Variants in PTPRJ observed in about 807,000 individuals in gnomAD.
The protein encoded by PTPRJ is receptor-type tyrosine-protein phosphatase eta.
In PTPRJ, 129 loss-of-function variants were observed where a neutral mutation model predicts 141.3. The ratio of observed to expected loss-of-function variants is 0.91; its 90% CI spans 0.79 to 1.06. PTPRJ has a LOEUF of 1.06. PTPRJ is among the 50% of genes least tolerant of loss of function. The pLI is 0.00. For missense variants in PTPRJ, 1,601 were observed against 1,679.7 expected, an observed-to-expected ratio of 0.95 and a Z score of 0.82; for synonymous variants, 610 against 640.5, an observed-to-expected ratio of 0.95 and a Z score of 0.72.
chr11:48,092,401 C>A (rs1442155700), intron 1 of PTPRJ, among the ~76,000 whole-genome samples: 1 of 150,694 alleles, frequency 6.6e-6, no homozygotes, highest in African/African-American at 2.4e-5. Context: ...ATAAGGGTAG[C>A]ATCTTACTTA....
At chr11:48,070,931 G>C (rs1855229639) in intron 1 of PTPRJ, among the ~76,000 whole-genome samples, 1 of 152,110 alleles carries the variant, frequency 6.6e-6, no homozygotes, top group South Asian at 2.1e-4. Context: ...ATTAAAAATG[G>C]CTTTGACATT....
intron 1 of PTPRJ, among the ~76,000 whole-genome samples, chr11:48,020,630 T>C (rs1037074187): frequency 6.6e-6 from 1 of 152,182 alleles, no homozygotes; most frequent in African/African-American, 2.4e-5. Context: ...CTAGGTGGGT[T>C]AGCAGCTGAG....
At position 47,980,663 on chromosome 11, in the gene PTPRJ, A is replaced by C; in HGVS notation, c.-250A>C. The C allele has an allele frequency of 1.0e-6, 1 of 986,030 alleles. No homozygotes were observed. The highest frequency in any genetic ancestry group is 1.2e-6 in the Non-Finnish European group (1 of 831,638). The allele number at this position is 986,030 out of a possible 1,614,324, so 61.1% of individuals were successfully genotyped here. On this transcript the variant is annotated 5_prime_UTR_variant, in exon 1 of 25. Coordinates refer to ENST00000418331, the MANE Select transcript of PTPRJ (RefSeq NM_002843.4). ...GGGCGCCGCTCGCTCCGCCCCGCGA[A>C]GCCCCTGCGCGCTCAGGGACGCGGC...
chr11:48,145,558 G>GTTTT (rs574426609), intron 14 of PTPRJ, among the ~76,000 whole-genome samples: 11 of 117,496 alleles, frequency 9.4e-5, no homozygotes, highest in East Asian at 2.5e-4. Context: ...TTTATTTTAT[G>GTTTT]TTTTTTTTTT....
At chr11:48,161,634 A>G (rs76757809) in intron 22 of PTPRJ, among the ~76,000 whole-genome samples, 14,798 of 151,606 alleles carry the variant, frequency 0.098, 959 homozygotes, top group East Asian at 0.16. Flanking sequence ...TTTTTTTGAG[A>G]TGGAGTCTCT....
At chr11:48,027,296 C>T (rs1347844366) in intron 1 of PTPRJ, among the ~76,000 whole-genome samples, 3 of 151,862 alleles carry the variant, frequency 2.0e-5, no homozygotes, top group Admixed American at 6.6e-5. Context: ...CATGAGCCAC[C>T]GCGCCCGGCC....
At chr11:48,003,658 G>A (rs1330693834) in intron 1 of PTPRJ, among the ~76,000 whole-genome samples, 1 of 152,088 alleles carries the variant, frequency 6.6e-6, no homozygotes, top group Non-Finnish European at 1.5e-5. Flanking sequence ...ACCATGCCCA[G>A]CTAATTTTTG....
At chr11:48,135,001 A>G (rs1457569176) in intron 8 of PTPRJ, among the ~76,000 whole-genome samples, 1 of 152,160 alleles carries the variant, frequency 6.6e-6, no homozygotes, top group Non-Finnish European at 1.5e-5. Context: ...GATTTAAAAA[A>G]CACAACAAAA....
At chr11:48,048,412 T>C (rs190821530) in intron 1 of PTPRJ, among the ~76,000 whole-genome samples, 1 of 152,372 alleles carries the variant, frequency 6.6e-6, no homozygotes, top group African/African-American at 2.4e-5. Context: ...ACGGCCATGA[T>C]GACTGCTGCA....
intron 1 of PTPRJ, among the ~76,000 whole-genome samples, chr11:48,038,926 A>T (rs1854197291): frequency 6.6e-6 from 1 of 150,946 alleles, no homozygotes; most frequent in African/African-American, 2.4e-5. Flanking sequence ...AGGCAAGTGG[A>T]TCACTTGAGG....
intron 1 of PTPRJ, among the ~76,000 whole-genome samples, chr11:48,094,829 G>A (rs1039073062): frequency 6.6e-6 from 1 of 152,124 alleles, no homozygotes; most frequent in Non-Finnish European, 1.5e-5. Context: ...GCAAGAGGAT[G>A]GATACCCGAG....
chr11:47,981,085 C>G, intron 1 of PTPRJ, 77 bp downstream of exon 1: 1 of 1,173,334 alleles, frequency 8.5e-7, no homozygotes, highest in Non-Finnish European at 1.1e-6. Flanking sequence ...CCCGAGCGTA[C>G]CCCCCCGGGG....
intron 1 of PTPRJ, among the ~76,000 whole-genome samples, chr11:48,049,831 A>G (rs960342026): frequency 2.0e-5 from 3 of 152,150 alleles, no homozygotes; most frequent in Non-Finnish European, 4.4e-5. Flanking sequence ...AATGTGGGGT[A>G]ACCTTTCATC....
intron 3 of PTPRJ, among the ~76,000 whole-genome samples, chr11:48,118,496 A>G (rs1856624387): frequency 6.6e-6 from 1 of 152,246 alleles, no homozygotes; most frequent in South Asian, 2.1e-4. Flanking sequence ...CCTTGATACG[A>G]AAACCAGACA....
intron 3 of PTPRJ, among the ~76,000 whole-genome samples, chr11:48,120,012 T>C (rs1393012535): frequency 1.3e-5 from 2 of 152,056 alleles, no homozygotes; most frequent in Non-Finnish European, 2.9e-5. Flanking sequence ...TTCAGAGAGG[T>C]GAGATGACTT....
At chr11:48,127,066 G>A (rs1233422592) in intron 6 of PTPRJ, among the ~76,000 whole-genome samples, 1 of 152,170 alleles carries the variant, frequency 6.6e-6, no homozygotes, top group African/African-American at 2.4e-5. Context: ...ATGGAGGAAG[G>A]CACTGACTCC....
intron 6 of PTPRJ, 124 bp downstream of exon 6, chr11:48,125,310 T>G: frequency 9.5e-7 from 1 of 1,056,668 alleles, no homozygotes; most frequent in Non-Finnish European, 1.4e-6. Context: ...GGGAGCTTCC[T>G]GGAGGAGATT....
intron 1 of PTPRJ, among the ~76,000 whole-genome samples, chr11:48,008,159 T>G (rs1303862500): frequency 5.9e-5 from 9 of 152,246 alleles, no homozygotes. Flanking sequence ...AGGTGTCTTC[T>G]GAACTCTGGA....
In PTPRJ at chr11:48,143,021, C is replaced by T; in HGVS notation, c.2546C>T (p.Ala849Val). 1 of 1,614,132 alleles carries T rather than the reference C, an allele frequency of 6.2e-7. No homozygotes were observed. Among genetic ancestry groups the T allele is most frequent in the Non-Finnish European group, 8.5e-7 (1 of 1,179,998 alleles). The change falls in exon 12 of 25, where the codon GCC becomes GTC. Residue 849 changes from alanine (A) to valine (V), a missense_variant. Ala to Val is a moderately conservative substitution (Grantham distance 64). Transcript: ENST00000418331. ...GAAGCCAGCCACGGACCCATCAAAG[C>T]CTATGCTGTCATTCTCACCACCGGG... ...GFEASHGPIKAYAVILTTGEA... is the reference protein window; with the variant it reads ...GFEASHGPIKVYAVILTTGEA...
Sources: gnomAD v4.1 joint callset for allele counts (sites outside exome capture counted in the v4.1 genomes callset) on GRCh38, gnomAD v4.1.1 for gene constraint, MANE v1.5 for transcripts, NCBI Gene and HGNC (gene_info 2026-07-23, HGNC 2026-07-21) for gene names.